GDA: variants seen among roughly 807,000 people sequenced by gnomAD.
GDA encodes cytoplasmic PSD-95 interactor.
A neutral mutation model predicts 59.6 loss-of-function variants in GDA; 18 were observed. The observed-to-expected ratio is 0.30, with a 90% confidence interval of 0.21 to 0.45. The LOEUF (loss-of-function observed/expected upper bound fraction) is 0.45, where lower values mean the gene tolerates loss of function less well. Ranked by LOEUF, GDA falls within the 20% of genes least tolerant of loss-of-function variation. The probability of loss-of-function intolerance (pLI) is 1.00; values close to 1 mark genes in which losing one functional copy is unlikely to be tolerated. For synonymous variants in GDA, 201 were observed against 201.1 expected, an observed-to-expected ratio of 1.00 and a Z score of 0.00; for missense variants, 427 against 552.3, an observed-to-expected ratio of 0.77 and a Z score of 2.27.
At chr9:72,244,187 AAAAG>A (rs1370244011) in intron 11 of GDA, among the ~76,000 whole-genome samples, 3 of 151,986 alleles carry the variant, frequency 2.0e-5, no homozygotes, top group South Asian at 2.1e-4. Context: ...AAAAAAAAAA[AAAAG>A]AAAGAAAGAA....
chr9:72,214,040 T>G (rs1161678686), intron 5 of GDA, 49 bp downstream of exon 5: 9 of 1,017,408 alleles, frequency 8.8e-6, no homozygotes, highest in Non-Finnish European at 1.4e-5. Flanking sequence ...ATTCCTGTGC[T>G]GCACTGATGG....
chr9:72,254,195 C>G (rs1185105472), downstream of GDA, among the ~76,000 whole-genome samples: 2 of 152,152 alleles, frequency 1.3e-5, no homozygotes, highest in African/African-American at 4.8e-5. Context: ...ATTTTTTAAA[C>G]TAATTCAGAC....
chr9:72,168,390 C>CTTTTTTTTTTTTTTTTTTTTTTTTTTT (rs77778231), intron 1 of GDA, among the ~76,000 whole-genome samples: 1 of 105,882 alleles, frequency 9.4e-6, no homozygotes. Flanking sequence ...GAGACTTTGT[C>CTTTTTTTTTTTTTTTTTTTTTTTTTTT]TTTTTTTTTT....
At chr9:72,156,109 G>A (rs1827858544) in intron 1 of GDA, among the ~76,000 whole-genome samples, 1 of 152,186 alleles carries the variant, frequency 6.6e-6, no homozygotes, top group African/African-American at 2.4e-5. Flanking sequence ...ATGTAAGGTT[G>A]GAAGGTAAGT....
intron 1 of GDA, among the ~76,000 whole-genome samples, chr9:72,192,154 T>C (rs1418015247): frequency 6.6e-6 from 1 of 151,694 alleles, no homozygotes; most frequent in African/African-American, 2.4e-5. Flanking sequence ...TTTTAGATCC[T>C]ATAGGCTTGC....
At chr9:72,157,102 C>T (rs1036093067) in intron 1 of GDA, among the ~76,000 whole-genome samples, 6 of 138,688 alleles carry the variant, frequency 4.3e-5, no homozygotes, top group Non-Finnish European at 6.0e-5. Flanking sequence ...TGCAGTGGCG[C>T]GATCTTAGCT....
chr9:72,199,460 C>G (rs1272326502), intron 2 of GDA, among the ~76,000 whole-genome samples: 1 of 152,158 alleles, frequency 6.6e-6, no homozygotes, highest in Non-Finnish European at 1.5e-5. Context: ...TCATCTTTCA[C>G]TCTCTCATCT....
At chr9:72,196,412 G>A (rs538356334) in intron 2 of GDA, among the ~76,000 whole-genome samples, 7 of 151,302 alleles carry the variant, frequency 4.6e-5, no homozygotes, top group South Asian at 2.1e-4. Flanking sequence ...CTTGAAGCCC[G>A]GGGGGCAGAG....
rs1211883766 is a variant in GDA, at chr9:72,252,102, A to T, written c.*3760A>T. The T allele has an allele frequency of 6.6e-6, 1 of 152,636 alleles. No individual in the cohort carries two copies. 9.5% of individuals were successfully genotyped at this position (152,636 alleles called of 1,614,324 possible). ...ACTCCTGATCGCTACTCTTAAGAAT[A>T]TACATGTATGTATTCATAGGAACAT... On this transcript the variant is annotated 3_prime_UTR_variant, in exon 14 of 14. Coordinates refer to ENST00000358399, the MANE Select transcript of GDA (RefSeq NM_004293.5).
chr9:72,162,895 G>A (rs1322233246), intron 1 of GDA, among the ~76,000 whole-genome samples: 1 of 152,146 alleles, frequency 6.6e-6, no homozygotes, highest in African/African-American at 2.4e-5. Flanking sequence ...CTGACCTCGT[G>A]ATCCGCCCGC....
At position 72,186,302 on chromosome 9, in the gene GDA, C is replaced by T. The variant is rs184802119; in HGVS notation, c.124-9198C>T. On this transcript the variant is annotated intron_variant, in intron 1 of 13. Transcript: ENST00000358399. ...TCTTCTATCAGTCTTTCTTGTAGTC[C>T]TTGTACTGTATCCCCACTAGCCTCT... Among the ~76,000 whole-genome samples the T allele has an allele frequency of 9.9e-4, 151 of 152,234 alleles. 1 individual carries two copies. The highest frequency in any genetic ancestry group is 3.4e-3 in the African/African-American group (142 of 41,530).
intron 2 of GDA, among the ~76,000 whole-genome samples, chr9:72,196,057 A>G (rs1312358195): frequency 6.6e-6 from 1 of 152,120 alleles, no homozygotes; most frequent in Non-Finnish European, 1.5e-5. Context: ...TTTGAGAATC[A>G]ATTGGTTGGG....
intron 6 of GDA, among the ~76,000 whole-genome samples, chr9:72,221,529 C>T (rs1255203295): frequency 6.6e-6 from 1 of 152,222 alleles, no homozygotes; most frequent in Non-Finnish European, 1.5e-5. Context: ...GGGTACCCTT[C>T]ACATTCATGA....
rs533144485 is a variant in GDA, at chr9:72,223,029, T to C, written c.607-91T>C. On this transcript the variant is annotated intron_variant, in intron 6 of 13. Transcript: ENST00000358399. ...GGCCCTTCCAGGGTTTTTATAGTTTTCGGTTTTACATTTATGTCTTTAATC... is the reference window on the plus strand; with the variant it reads ...GGCCCTTCCAGGGTTTTTATAGTTTCCGGTTTTACATTTATGTCTTTAATC... 6.1e-4 allele frequency: 436 copies of C among 710,816 alleles called. No individual in the cohort carries two copies. In the African/African-American group the frequency reaches 7.2e-3, roughly 12 times the overall value. 44.0% of individuals were successfully genotyped at this position (710,816 alleles called of 1,614,324 possible).
At chr9:72,160,862 C>T (rs539732693) in intron 1 of GDA, among the ~76,000 whole-genome samples, 3 of 152,120 alleles carry the variant, frequency 2.0e-5, no homozygotes, top group Non-Finnish European at 2.9e-5. Flanking sequence ...ACCTTCCATT[C>T]GCTGGATGGA....
At chr9:72,175,193 G>T (rs533850826) in intron 1 of GDA, among the ~76,000 whole-genome samples, 54 of 152,166 alleles carry the variant, frequency 3.5e-4, no homozygotes, top group African/African-American at 1.2e-3. Flanking sequence ...CTGAGATAGG[G>T]TCTCACTCTG....
At chr9:72,116,200 C>T (rs1825435568) in intron 1 of GDA, among the ~76,000 whole-genome samples, 5 of 151,428 alleles carry the variant, frequency 3.3e-5, no homozygotes, top group Admixed American at 3.3e-4. Context: ...TGCCATTGCA[C>T]TCCAGCCTGG....
At chr9:72,214,752 G>C in intron 5 of GDA, 1 of 279,076 alleles carries the variant, frequency 3.6e-6, no homozygotes, top group Non-Finnish European at 6.7e-6. Context: ...TTCTTTTTTT[G>C]AGACAGACTG....
At chr9:72,239,111 G>A (rs1839333254) in intron 10 of GDA, among the ~76,000 whole-genome samples, 1 of 152,164 alleles carries the variant, frequency 6.6e-6, no homozygotes, top group Non-Finnish European at 1.5e-5. Flanking sequence ...AAACTACAAA[G>A]CTAATCCAGT....
Sources: allele counts gnomAD v4.1 joint callset (sites outside exome capture counted in the v4.1 genomes callset), GRCh38; gene constraint gnomAD v4.1.1; transcripts MANE v1.5; gene names NCBI Gene and HGNC (gene_info 2026-07-23, HGNC 2026-07-21).